The following MDM1 variants were observed in gnomAD, a reference collection of about 807,000 sequenced individuals.
The protein encoded by MDM1 is Mdm1 nuclear protein.
MDM1 carries 61 observed loss-of-function variants against 89.1 expected under a neutral mutation model. The ratio of observed to expected loss-of-function variants is 0.68; its 90% CI spans 0.56 to 0.85. The LOEUF is 0.85. Ranked by LOEUF, MDM1 falls within the 40% of genes least tolerant of loss-of-function variation. MDM1 has a pLI of 0.00. For synonymous variants in MDM1, 290 were observed against 294.1 expected (o/e 0.99, Z 0.14); for missense variants, 820 against 846.5 (o/e 0.97, Z 0.39).
chr12:68,313,783 A>T (rs752669888), intron 10 of MDM1, 30 bp from the exon 11 acceptor site: 3 of 1,478,176 alleles, frequency 2.0e-6, no homozygotes, highest in Non-Finnish European at 2.8e-6. Flanking sequence ...ATGAATCTAT[A>T]CAGCATTTCC....
chr12:68,308,599 C>T (rs999435982), intron 12 of MDM1, among the ~76,000 whole-genome samples: 10 of 152,126 alleles, frequency 6.6e-5, no homozygotes, highest in Non-Finnish European at 1.3e-4. Flanking sequence ...TAATTCACAG[C>T]GCTTACTACT....
At chr12:68,317,863 A>G (rs1384144692) in intron 7 of MDM1, among the ~76,000 whole-genome samples, 1 of 152,130 alleles carries the variant, frequency 6.6e-6, no homozygotes, top group East Asian at 1.9e-4. Flanking sequence ...CCATGCTTCA[A>G]ATGTTTCAGG....
rs370000052 is a variant in MDM1, at chr12:68,331,379, C to G, written c.19-158G>C. 5.3e-5 allele frequency among the ~76,000 whole-genome samples: 8 copies of G among 152,268 alleles called. No homozygotes were observed. In the East Asian group the frequency reaches 1.3e-3, roughly 26 times the overall value. On this transcript the variant is annotated intron_variant, in intron 1 of 14. Coordinates refer to ENST00000682720, the MANE Select transcript of MDM1 (RefSeq NM_001354969.2). ...TAATAAGAGCTAATATTCACCCAGC[C>G]CTGTGCTAAGCAGTTCACACGTGTT...
At chr12:68,331,763 G>C (rs189274752) in intron 1 of MDM1, among the ~76,000 whole-genome samples, 34 of 152,306 alleles carry the variant, frequency 2.2e-4, no homozygotes, top group Non-Finnish European at 3.4e-4. Flanking sequence ...TTTAACATAC[G>C]CTAAGAATGC....
At chr12:68,312,797 G>A (rs1873870185) in intron 12 of MDM1, among the ~76,000 whole-genome samples, 1 of 151,700 alleles carries the variant, frequency 6.6e-6, no homozygotes, top group Admixed American at 6.6e-5. Context: ...CTCTCTTCCA[G>A]CAACAGTGAC....
At position 68,326,975 on chromosome 12, in the gene MDM1, G is replaced by C. The variant is rs774148841; in HGVS notation, c.180C>G (p.Tyr60Ter). ...GAGATTTTGAAATCTGTGGGTCATG[G>C]TAAGGGACTCTTCTTTTTGAAATAA... ...PSFISKRRVP[Y>*]HDPQISKSLE... The change falls in exon 3 of 15, where the codon TAC becomes TAG. Residue 60 changes from tyrosine to a stop codon, truncating the protein, a stop_gained. Coordinates refer to ENST00000682720, the MANE Select transcript of MDM1 (RefSeq NM_001354969.2). LOFTEE classifies it high-confidence loss of function. The C allele has an allele frequency of 1.2e-6, 2 of 1,610,766 alleles. No homozygotes were observed. Among genetic ancestry groups the C allele is most frequent in the Non-Finnish European group, 1.7e-6 (2 of 1,179,262 alleles).
chr12:68,299,123 T>A (rs1871804043), intron 13 of MDM1, among the ~76,000 whole-genome samples: 1 of 151,286 alleles, frequency 6.6e-6, no homozygotes, highest in South Asian at 2.1e-4. Flanking sequence ...GGAAAAAAAT[T>A]TTAAAAAAAA....
chr12:68,309,871 A>G (rs901357985), intron 12 of MDM1, among the ~76,000 whole-genome samples: 3 of 152,246 alleles, frequency 2.0e-5, no homozygotes, highest in Admixed American at 2.0e-4. Context: ...AAATCTAGCT[A>G]GCTCCTGGTA....
At position 68,316,618 on chromosome 12, in the gene MDM1, A is replaced by C. The variant is rs1156952919; in HGVS notation, c.1006-8T>G. ...CATGGCATTTAGAGAACCCTAGAGAAGGAATACAGAAACACACTTAATGAT... is the reference window on the plus strand; with the variant it reads ...CATGGCATTTAGAGAACCCTAGAGACGGAATACAGAAACACACTTAATGAT... On this transcript the variant is annotated splice_polypyrimidine_tract_variant and splice_region_variant and intron_variant, in intron 7 of 14. Transcript: ENST00000682720. 6.5e-7 allele frequency: 1 copy of C among 1,534,332 alleles called. No individual in the cohort carries two copies. Among genetic ancestry groups the C allele is most frequent in the South Asian group, 1.2e-5 (1 of 83,904 alleles).
intron 7 of MDM1, 138 bp downstream of exon 7, chr12:68,321,209 C>T: frequency 2.0e-6 from 1 of 496,872 alleles, no homozygotes; most frequent in Non-Finnish European, 3.5e-6. Context: ...TACATAAGTT[C>T]CTGATACTAT....
chr12:68,321,142 A>G (rs529719607), intron 7 of MDM1: 1 of 417,318 alleles, frequency 2.4e-6, no homozygotes, highest in East Asian at 3.5e-5. Flanking sequence ...AGACCTCAAT[A>G]AATATTAATT....
At chr12:68,299,946 G>A (rs1448685814) in intron 13 of MDM1, among the ~76,000 whole-genome samples, 1 of 152,120 alleles carries the variant, frequency 6.6e-6, no homozygotes, top group Non-Finnish European at 1.5e-5. Flanking sequence ...AAAAGCATCA[G>A]GTAACTTACA....
intron 2 of MDM1, among the ~76,000 whole-genome samples, chr12:68,329,476 G>GA (rs1160651734): frequency 6.6e-6 from 1 of 152,148 alleles, no homozygotes; most frequent in East Asian, 1.9e-4. Context: ...GGGACACTAA[G>GA]CACTGATCTG....
chr12:68,328,319 T>C (rs1192328832), intron 2 of MDM1, among the ~76,000 whole-genome samples: 2 of 152,222 alleles, frequency 1.3e-5, no homozygotes, highest in African/African-American at 2.4e-5. Flanking sequence ...TCATGTGAAA[T>C]GTACATATGC....
chr12:68,297,373 A>G (rs532827383), intron 13 of MDM1, among the ~76,000 whole-genome samples: 1 of 152,344 alleles, frequency 6.6e-6, no homozygotes, highest in African/African-American at 2.4e-5. Context: ...ATGGGAGCAA[A>G]TAAGACAGCA....
intron 12 of MDM1, among the ~76,000 whole-genome samples, chr12:68,309,317 C>CT (rs565813851): frequency 3.3e-5 from 5 of 152,150 alleles, no homozygotes; most frequent in Non-Finnish European, 7.4e-5. Flanking sequence ...TCCTCTTCTC[C>CT]TTTATCTTAG....
intron 1 of MDM1, chr12:68,331,865 A>T (rs973248261): frequency 2.0e-6 from 1 of 512,532 alleles, no homozygotes; most frequent in African/African-American, 1.9e-5. Flanking sequence ...TAAAGTTTTA[A>T]AGGTAATGGG....
chr12:68,328,351 T>C (rs1876311111), intron 2 of MDM1, among the ~76,000 whole-genome samples: 1 of 152,216 alleles, frequency 6.6e-6, no homozygotes, highest in African/African-American at 2.4e-5. Flanking sequence ...TTACCTTAAT[T>C]AAAGATAAAC....
Position 68,302,825 on chromosome 12 carries a change from T to C in MDM1, c.1797A>G (p.Ile599Met). The C allele has an allele frequency of 6.2e-7, 1 of 1,609,292 alleles. No individual in the cohort carries two copies. The highest frequency in any genetic ancestry group is 2.2e-5 in the East Asian group (1 of 44,734). Residue 599 changes from isoleucine (I) to methionine (M), a missense_variant, in exon 13 of 15, where the codon ATA (isoleucine) becomes ATG (methionine). Coordinates refer to ENST00000682720, the MANE Select transcript of MDM1 (RefSeq NM_001354969.2). ...GCAAAGGCAGAGGATCAACTGTTTTTATACCAGCAGCTGGAGAAGTCAGTA... is the reference window on the plus strand; with the variant it reads ...GCAAAGGCAGAGGATCAACTGTTTTCATACCAGCAGCTGGAGAAGTCAGTA... ...VSLLTSPAAG[I>M]KTVDPLPLRE...
Sources: allele counts gnomAD v4.1 joint callset (sites outside exome capture counted in the v4.1 genomes callset), GRCh38; gene constraint gnomAD v4.1.1; transcripts MANE v1.5; gene names NCBI Gene and HGNC (gene_info 2026-07-23, HGNC 2026-07-21).